Variants in BICDL1 observed in about 807,000 individuals in gnomAD.
BICDL1 encodes BICD family like cargo adaptor 1, also known as BICD family-like cargo adapter 1.
In BICDL1, 20 loss-of-function variants were observed where a neutral mutation model predicts 76.8. The observed-to-expected ratio is 0.26, with a 90% CI of 0.18 to 0.38. The LOEUF (loss-of-function observed/expected upper bound fraction) is 0.38, where lower values mean the gene tolerates loss of function less well. BICDL1 is among the 10% of genes least tolerant of loss of function. The probability of loss-of-function intolerance (pLI) is 1.00; values close to 1 mark genes in which losing one functional copy is unlikely to be tolerated. For synonymous variants in BICDL1, 383 were observed against 337.1 expected (o/e 1.14, Z -1.49); for missense variants, 700 against 798.6 (o/e 0.88, Z 1.49).
intron 9 of BICDL1, chr12:120,091,584 A>G (rs1190345075): frequency 1.0e-6 from 1 of 984,696 alleles, no homozygotes; most frequent in Non-Finnish European, 1.2e-6. Context: ...AAGGGGATGG[A>G]AGAGAAGGGA....
chr12:120,026,598 A>G (rs935702682), intron 2 of BICDL1, among the ~76,000 whole-genome samples: 1 of 152,232 alleles, frequency 6.6e-6, no homozygotes, highest in African/African-American at 2.4e-5. Flanking sequence ...TAAAGTACCT[A>G]TAACAAGGAA....
intron 7 of BICDL1, among the ~76,000 whole-genome samples, chr12:120,074,885 G>A (rs903786797): frequency 6.6e-6 from 1 of 152,166 alleles, no homozygotes; most frequent in African/African-American, 2.4e-5. Flanking sequence ...GACAGCCCTC[G>A]GGCTACTTAT....
chr12:119,994,018 C>T (rs1254473613), intron 1 of BICDL1, among the ~76,000 whole-genome samples: 1 of 152,178 alleles, frequency 6.6e-6, no homozygotes, highest in African/African-American at 2.4e-5. Context: ...AGCTTTTTCC[C>T]CAGAATATGA....
At chr12:120,011,922 G>A (rs1951961282) in intron 2 of BICDL1, among the ~76,000 whole-genome samples, 1 of 152,162 alleles carries the variant, frequency 6.6e-6, no homozygotes, top group South Asian at 2.1e-4. Flanking sequence ...CCTCACTCTG[G>A]GTTTCAATTT....
intron 2 of BICDL1, among the ~76,000 whole-genome samples, chr12:120,042,515 C>T (rs908697254): frequency 6.6e-6 from 1 of 151,950 alleles, no homozygotes; most frequent in African/African-American, 2.4e-5. Context: ...ATATAAGAAC[C>T]TAAGTCAGGC....
chr12:120,049,529 T>C (rs1186783552), intron 2 of BICDL1, among the ~76,000 whole-genome samples: 4 of 152,244 alleles, frequency 2.6e-5, no homozygotes, highest in Admixed American at 2.6e-4. Context: ...ATTATCTTAG[T>C]CTGGCGCTCT....
intron 2 of BICDL1, among the ~76,000 whole-genome samples, chr12:120,050,517 T>C (rs187908573): frequency 6.6e-6 from 1 of 152,220 alleles, no homozygotes; most frequent in Non-Finnish European, 1.5e-5. Context: ...TCCACCTGCC[T>C]CAGCCTCCCA....
chr12:119,991,151 A>G (rs1951514208), intron 1 of BICDL1, among the ~76,000 whole-genome samples: 1 of 152,188 alleles, frequency 6.6e-6, no homozygotes, highest in South Asian at 2.1e-4. Flanking sequence ...TGCAAAAAAA[A>G]GGGGCAGGGG....
chr12:120,022,729 G>A (rs924404782), intron 2 of BICDL1, among the ~76,000 whole-genome samples: 2 of 151,846 alleles, frequency 1.3e-5, no homozygotes, highest in African/African-American at 2.4e-5. Context: ...CGAGAAATGG[G>A]GAAACAAAAG....
intron 1 of BICDL1, among the ~76,000 whole-genome samples, 185 bp from the exon 2 acceptor site, chr12:119,998,336 A>C (rs1951693981): frequency 6.6e-6 from 1 of 152,124 alleles, no homozygotes. Flanking sequence ...TGTGAAACCA[A>C]CTTCTTCCCT....
rs1390552158 is a variant in BICDL1 at position 120,071,883 on chromosome 12, A to G, written c.1089+82A>G. ...TCCTCCTCCCTAGTGCTCAGCTGCC[A>G]TCCTGGCAAGGCTGTGCCCCTGTGC... On this transcript the variant is annotated intron_variant, in intron 5 of 9. Transcript: ENST00000548673. This position sits in a 1 kb window ranked among gnomAD's most constrained non-coding sequence, Gnocchi z 4.8. 2 of 1,441,090 alleles carry G rather than the reference A, an allele frequency of 1.4e-6. No individual in the cohort carries two copies. Among genetic ancestry groups the G allele is most frequent in the Non-Finnish European group, 1.8e-6 (2 of 1,097,184 alleles). The allele number at this position is 1,441,090 out of a possible 1,614,324, so 89.3% of individuals were successfully genotyped here. A position where few individuals can be genotyped will look rare whatever the true frequency, so the allele number is the denominator to read the frequency against.
Position 120,094,190 on chromosome 12 carries a change from C to G in BICDL1, c.*1029C>G, listed in dbSNP as rs377646059. ...GCTCCTGCCTCTGCAGCCGCCCCTC[C>G]TCCTCCACCCAGGCCCCAACTCAGA... On this transcript the variant is annotated 3_prime_UTR_variant, in exon 10 of 10. Transcript: ENST00000548673. 1.5e-3 allele frequency: 667 copies of G among 449,666 alleles called. 3 individuals carry two copies. The highest frequency in any genetic ancestry group is 0.01 in the African/African-American group (522 of 49,962). The allele number at this position is 449,666 out of a possible 1,614,324, so 27.9% of individuals were successfully genotyped here. A position where few individuals can be genotyped will look rare whatever the true frequency, so the allele number is the denominator to read the frequency against.
rs150369525 is a variant in BICDL1, at chr12:120,025,271, T to G, written c.645+26535T>G. Among the ~76,000 whole-genome samples, 3 of 151,696 alleles carry G rather than the reference T, an allele frequency of 2.0e-5. 1 individual carries two copies. Among genetic ancestry groups the G allele is most frequent in the East Asian group, 3.9e-4 (2 of 5,110 alleles). On this transcript the variant is annotated intron_variant, in intron 2 of 9. Coordinates refer to ENST00000548673, the MANE Select transcript of BICDL1 (RefSeq NM_001367886.1). ...TTCACCGTGTTAGCCAGGATGGTCT[T>G]GATCTCCTGACCTCGTGATCCGCCC...
intron 1 of BICDL1, among the ~76,000 whole-genome samples, chr12:119,991,793 A>C (rs1050765632): frequency 3.8e-4 from 58 of 152,342 alleles, no homozygotes; most frequent in East Asian, 1.9e-3. Context: ...CTGAGTGTGC[A>C]ATTACATACA....
At chr12:120,066,156 A>T (rs1333151498) in intron 4 of BICDL1, among the ~76,000 whole-genome samples, 1 of 152,234 alleles carries the variant, frequency 6.6e-6, no homozygotes, top group Non-Finnish European at 1.5e-5. Context: ...AGAAAAACTG[A>T]ATCGTTTATC....
chr12:120,013,621 C>T (rs1043111255), intron 2 of BICDL1, among the ~76,000 whole-genome samples: 3 of 151,992 alleles, frequency 2.0e-5, no homozygotes. Context: ...GCCACCACGC[C>T]TGGCTAATTT....
At chr12:120,026,205 A>G (rs554831674) in intron 2 of BICDL1, among the ~76,000 whole-genome samples, 32 of 152,288 alleles carry the variant, frequency 2.1e-4, no homozygotes, top group Middle Eastern at 3.4e-3. Flanking sequence ...CAGTTCATCA[A>G]TTTGTTCTGA....
At chr12:120,005,368 T>C (rs917469793) in intron 2 of BICDL1, among the ~76,000 whole-genome samples, 1 of 152,202 alleles carries the variant, frequency 6.6e-6, no homozygotes. Context: ...TATTTTGCTT[T>C]GTTTTTGTTT....
intron 2 of BICDL1, among the ~76,000 whole-genome samples, chr12:120,054,617 G>C (rs185712216): frequency 3.9e-5 from 6 of 152,030 alleles, no homozygotes; most frequent in Non-Finnish European, 8.8e-5. Flanking sequence ...GGTGGCTCAC[G>C]CCTAATCCCA....
Sources: gnomAD v4.1 joint callset for allele counts (sites outside exome capture counted in the v4.1 genomes callset) on GRCh38, gnomAD v4.1.1 for gene constraint, Gnocchi (gnomAD v3.1) non-coding constraint, MANE v1.5 for transcripts, NCBI Gene and HGNC (gene_info 2026-07-23, HGNC 2026-07-21) for gene names.